Variants in LRRIQ1 observed in about 807,000 individuals in gnomAD.
LRRIQ1 encodes leucine rich repeats and IQ motif containing 1.
A neutral mutation model predicts 211.9 loss-of-function variants in LRRIQ1; 210 were observed. The observed-to-expected ratio is 0.99, with a 90% CI of 0.89 to 1.11. LRRIQ1 has a LOEUF of 1.11. Ranked by LOEUF, LRRIQ1 falls within the 50% of genes most tolerant of loss-of-function variation. The pLI, the probability that LRRIQ1 is intolerant of heterozygous loss-of-function variation, is 0.00. For synonymous variants in LRRIQ1, 699 were observed against 650.1 expected (o/e 1.08, Z -1.14); for missense variants, 2,136 against 1,939.5 (o/e 1.10, Z -1.90).
In LRRIQ1 at chr12:85,038,079, T is replaced by C. The variant is rs982189935; in HGVS notation, c.-24-74T>C. ...AAATTAAAACATATTTAAATAAATATGTTGGATTGGTATGACAAATTAGAG... is the reference window on the plus strand; with the variant it reads ...AAATTAAAACATATTTAAATAAATACGTTGGATTGGTATGACAAATTAGAG... On this transcript the variant is annotated intron_variant, in intron 1 of 26. Transcript: ENST00000393217. 5.1e-6 allele frequency: 5 copies of C among 979,970 alleles called. No homozygotes were observed. The African/African-American group carries it at 8.4e-5, about 16-fold the overall frequency. 60.7% of individuals were successfully genotyped at this position (979,970 alleles called of 1,614,324 possible).
At chr12:85,234,804 C>T (rs1024646974) in intron 26 of LRRIQ1, among the ~76,000 whole-genome samples, 1 of 152,126 alleles carries the variant, frequency 6.6e-6, no homozygotes, top group African/African-American at 2.4e-5. Flanking sequence ...CGAAAGTTAT[C>T]AAATGTTAGA....
chr12:85,267,748 A>C (rs765454471), downstream of LRRIQ1, among the ~76,000 whole-genome samples: 1 of 152,092 alleles, frequency 6.6e-6, no homozygotes, highest in African/African-American at 2.4e-5. Flanking sequence ...GTAAGAAATA[A>C]GCACAACAAT....
At chr12:85,188,624 G>T (rs1196682440) in intron 24 of LRRIQ1, among the ~76,000 whole-genome samples, 1 of 152,082 alleles carries the variant, frequency 6.6e-6, no homozygotes, top group Non-Finnish European at 1.5e-5. Flanking sequence ...TTATCTGATT[G>T]TTACATAGCT....
At chr12:85,268,842 C>T (rs915008237), downstream of LRRIQ1, among the ~76,000 whole-genome samples, 4 of 151,610 alleles carry the variant, frequency 2.6e-5, no homozygotes, top group African/African-American at 9.7e-5. Flanking sequence ...GTTTTCTTAC[C>T]TTCATAAACT....
chr12:85,255,649 C>T (rs562827176), intron 1 of LRRIQ1, among the ~76,000 whole-genome samples: 48 of 151,716 alleles, frequency 3.2e-4, no homozygotes, highest in African/African-American at 1.1e-3. Context: ...CACTTTATGG[C>T]CAGCAAGAGT....
intron 24 of LRRIQ1, among the ~76,000 whole-genome samples, chr12:85,223,481 A>G (rs1424739762): frequency 1.3e-5 from 2 of 152,190 alleles, no homozygotes; most frequent in African/African-American, 4.8e-5. Context: ...GTTTCAGGCC[A>G]TTTTACAGTA....
Position 85,065,342 on chromosome 12 carries a change from C to T in LRRIQ1, c.2472C>T (p.Ser824=), listed in dbSNP as rs1201575029. The T allele has an allele frequency of 1.9e-6, 3 of 1,611,010 alleles. No individual in the cohort carries two copies. In the Admixed American group the frequency reaches 5.0e-5, roughly 27 times the overall value. ...LAECTNLQFL[S]LRRCGLTSLH... ...AGTGTACAAATCTTCAGTTTCTATC[C>T]CTTCGACGCTGTGGATTAACTTCTT... The change falls in exon 9 of 27, where the codon TCC becomes TCT. Residue 824 remains serine, a synonymous_variant. Coordinates refer to ENST00000393217, the MANE Select transcript of LRRIQ1 (RefSeq NM_001079910.2).
chr12:85,119,710 GGTAC>G (rs1348053021), intron 15 of LRRIQ1, among the ~76,000 whole-genome samples: 3 of 152,000 alleles, frequency 2.0e-5, no homozygotes, highest in Non-Finnish European at 4.4e-5. Flanking sequence ...TATTCTAATA[GGTAC>G]GTAGTGGTAT....
chr12:85,148,377 G>A lies in LRRIQ1; in HGVS notation c.4330-3903G>A, dbSNP rs779496120. ...CATATGTTCTCATTGTTCAACTCCC[G>A]TTTATGAGTGAGAACATGCAGTGTT... On this transcript the variant is annotated intron_variant, in intron 19 of 26. Transcript: ENST00000393217. 1.1e-4 allele frequency among the ~76,000 whole-genome samples: 16 copies of A among 151,656 alleles called. No homozygotes were observed. The East Asian group carries it at 1.4e-3, about 13-fold the overall frequency.
At chr12:85,176,496 A>G (rs558617378) in intron 24 of LRRIQ1, among the ~76,000 whole-genome samples, 1 of 150,402 alleles carries the variant, frequency 6.6e-6, no homozygotes, top group South Asian at 2.1e-4. Flanking sequence ...GCAAGAACAA[A>G]AAACCAAACA....
chr12:85,255,206 G>T (rs1317570741), intron 1 of LRRIQ1, among the ~76,000 whole-genome samples: 1 of 151,734 alleles, frequency 6.6e-6, no homozygotes, highest in Non-Finnish European at 1.5e-5. Flanking sequence ...TGATAAAAAT[G>T]TAATTATTAA....
intron 18 of LRRIQ1, among the ~76,000 whole-genome samples, chr12:85,130,945 C>T (rs995156897): frequency 2.6e-5 from 4 of 151,834 alleles, no homozygotes; most frequent in Admixed American, 1.3e-4. Flanking sequence ...CGCAGTGGCT[C>T]ATGCCTGAGA....
rs572550457 is a variant in LRRIQ1, at chr12:85,137,298, A to G, written c.4210-552A>G. ...ATCCATTTTTTACAAGCTACATTGT[A>G]CTTGGAGTTATAGTTAGGAAAGCTC... On this transcript the variant is annotated intron_variant, in intron 18 of 26. Coordinates refer to ENST00000393217, the MANE Select transcript of LRRIQ1 (RefSeq NM_001079910.2). Among the ~76,000 whole-genome samples the G allele has an allele frequency of 9.9e-5, 15 of 151,528 alleles. 1 individual carries two copies. Among genetic ancestry groups the G allele is most frequent in the African/African-American group, 3.6e-4 (15 of 41,478 alleles).
At chr12:85,061,899 G>C (rs895175357) in intron 8 of LRRIQ1, among the ~76,000 whole-genome samples, 1 of 151,698 alleles carries the variant, frequency 6.6e-6, no homozygotes, top group Non-Finnish European at 1.5e-5. Context: ...TTTGAAACTA[G>C]AAGTCTTATT....
intron 23 of LRRIQ1, 142 bp downstream of exon 23, chr12:85,154,236 TA>T (rs1393653797): frequency 1.0e-5 from 4 of 396,096 alleles, no homozygotes; most frequent in African/African-American, 2.2e-5. Flanking sequence ...TGAAAAAAAA[TA>T]AAACTTAAGA....
intron 15 of LRRIQ1, among the ~76,000 whole-genome samples, chr12:85,119,592 T>A: frequency 6.6e-6 from 1 of 152,194 alleles, no homozygotes; most frequent in East Asian, 1.9e-4. Flanking sequence ...TCAAATTGTC[T>A]TCCAAAGTGG....
At chr12:85,135,846 TC>T (rs1889091904) in intron 18 of LRRIQ1, among the ~76,000 whole-genome samples, 1 of 151,954 alleles carries the variant, frequency 6.6e-6, no homozygotes, top group African/African-American at 2.4e-5. Flanking sequence ...CAGTCATTTG[TC>T]TAAAGATCCT....
chr12:85,063,967 T>G (rs1182754523), intron 8 of LRRIQ1, among the ~76,000 whole-genome samples: 1 of 151,868 alleles, frequency 6.6e-6, no homozygotes, highest in African/African-American at 2.4e-5. Flanking sequence ...TTCTAAATCT[T>G]GACTGTTGTG....
intron 11 of LRRIQ1, among the ~76,000 whole-genome samples, chr12:85,076,061 T>G (rs933444379): frequency 6.6e-6 from 1 of 152,234 alleles, no homozygotes; most frequent in Non-Finnish European, 1.5e-5. Context: ...TTAAGATTAC[T>G]ACTATTTTTA....
Sources: gnomAD v4.1 joint callset for allele counts (sites outside exome capture counted in the v4.1 genomes callset) on GRCh38, gnomAD v4.1.1 for gene constraint, MANE v1.5 for transcripts, NCBI Gene and HGNC (gene_info 2026-07-23, HGNC 2026-07-21) for gene names.